The following RARA variants were observed in gnomAD, a reference collection of about 807,000 sequenced individuals.
The protein encoded by RARA is retinoic acid receptor alpha, also known as PML-DDX5-RARA fusion.
A neutral mutation model predicts 42.8 loss-of-function variants in RARA; 5 were observed. That is an observed-to-expected ratio of 0.12 (90% confidence interval 0.06 to 0.25). The LOEUF (loss-of-function observed/expected upper bound fraction) is 0.25. Among genes scored for constraint, RARA ranks in the 10% least tolerant of loss-of-function variants. RARA has a pLI of 1.00. For missense variants in RARA, 402 were observed against 628.7 expected, an observed-to-expected ratio of 0.64 and a Z score of 3.86; for synonymous variants, 256 against 259.5, an observed-to-expected ratio of 0.99 and a Z score of 0.13.
intron 3 of RARA, 41 bp from the exon 4 acceptor site, chr17:40,349,743 T>G (rs1490949042): frequency 9.3e-6 from 15 of 1,610,894 alleles, no homozygotes; most frequent in Non-Finnish European, 1.2e-5. Context: ...CTGCTCCCAC[T>G]GTGGGTGTGG....
intron 2 of RARA, among the ~76,000 whole-genome samples, 167 bp downstream of exon 2, chr17:40,331,563 C>T (rs1425849777): frequency 6.6e-6 from 1 of 152,096 alleles, no homozygotes; most frequent in Non-Finnish European, 1.5e-5. Flanking sequence ...AATGAAAGCC[C>T]TATGGCCTAT....
chr17:40,353,821 G>T (rs1317115617), intron 6 of RARA, among the ~76,000 whole-genome samples: 1 of 152,176 alleles, frequency 6.6e-6, no homozygotes, highest in African/African-American at 2.4e-5. Flanking sequence ...CGTGGATGCA[G>T]GAGGTGCCGT....
chr17:40,351,892 C>G lies in RARA; in HGVS notation c.470-18C>G, dbSNP rs753861439. Reference sequence around the variant, plus strand: ...AGCAGCCTGCAGCTGCCCTCTTAACCCCCTCTGCCCTCCACAGCTGTGAGA... The same window carrying G: ...AGCAGCCTGCAGCTGCCCTCTTAACGCCCTCTGCCCTCCACAGCTGTGAGA... On this transcript the variant is annotated intron_variant, in intron 4 of 8. Coordinates refer to ENST00000254066, the MANE Select transcript of RARA (RefSeq NM_000964.4). The surrounding 1 kb of genome is among the most constrained non-coding windows in gnomAD (Gnocchi z 4.1). 1 of 1,602,398 alleles carries G rather than the reference C, an allele frequency of 6.2e-7. No homozygotes were observed. Among genetic ancestry groups the G allele is most frequent in the Non-Finnish European group, 8.5e-7 (1 of 1,177,042 alleles).
At chr17:40,342,120 C>A (rs1374293786) in intron 2 of RARA, 1 of 1,047,082 alleles carries the variant, frequency 9.6e-7, no homozygotes, top group African/African-American at 1.7e-5. Context: ...GGGGGTGGTG[C>A]CCGGAGGGGA....
intron 2 of RARA, among the ~76,000 whole-genome samples, chr17:40,343,347 C>T (rs1212713428): frequency 1.3e-5 from 2 of 152,200 alleles, no homozygotes; most frequent in Non-Finnish European, 2.9e-5. Context: ...CCAGCCCTTG[C>T]TCTTGCGTCA....
chr17:40,342,807 C>A, intron 2 of RARA: 2 of 1,613,038 alleles, frequency 1.2e-6, no homozygotes, highest in Non-Finnish European at 1.7e-6. Flanking sequence ...GAAGGGGCTC[C>A]CCGCCCCGGG....
At chr17:40,317,178 C>T (rs2033232524) in intron 1 of RARA, among the ~76,000 whole-genome samples, 1 of 152,228 alleles carries the variant, frequency 6.6e-6, no homozygotes, top group Non-Finnish European at 1.5e-5. Context: ...CTGAGAGTCT[C>T]CTCACTGGGC....
At chr17:40,342,467 A>C in intron 2 of RARA, 1 of 1,224,852 alleles carries the variant, frequency 8.2e-7, no homozygotes, top group Non-Finnish European at 1.0e-6. Context: ...GGGAGAGCCG[A>C]CGGACCCCCC....
At chr17:40,310,761 A>G (rs2033080620) in intron 1 of RARA, among the ~76,000 whole-genome samples, 1 of 152,152 alleles carries the variant, frequency 6.6e-6, no homozygotes, top group Admixed American at 6.5e-5. Flanking sequence ...AATGGCTATC[A>G]GTAGCAAGCA....
At chr17:40,333,094 G>C (rs1256290214) in intron 2 of RARA, among the ~76,000 whole-genome samples, 1 of 152,196 alleles carries the variant, frequency 6.6e-6, no homozygotes, top group Non-Finnish European at 1.5e-5. Context: ...CTGTCACCGA[G>C]GCTGGAGTGC....
Position 40,346,446 on chromosome 17 carries a change from G to T in RARA, c.179-1870G>T, listed in dbSNP as rs934901805. Among the ~76,000 whole-genome samples, 6 of 152,026 alleles carry T rather than the reference G, an allele frequency of 3.9e-5. No individual in the cohort carries two copies. The South Asian group carries it at 1.0e-3, about 26-fold the overall frequency. On this transcript the variant is annotated intron_variant, in intron 2 of 8. Transcript: ENST00000254066. ...TCAGTGCCTTCTTCCTCTGCTTGTC[G>T]GAATGCTGACCAAGATTCTAGGCCA...
At chr17:40,317,037 A>G (rs775226092) in intron 1 of RARA, among the ~76,000 whole-genome samples, 17 of 152,242 alleles carry the variant, frequency 1.1e-4, no homozygotes, top group African/African-American at 3.1e-4. Flanking sequence ...AGATACTTCA[A>G]TTCTAGACCC....
intron 2 of RARA, among the ~76,000 whole-genome samples, chr17:40,336,526 C>G (rs1567753960): frequency 6.6e-6 from 1 of 152,006 alleles, no homozygotes; most frequent in Non-Finnish European, 1.5e-5. Flanking sequence ...GTAGCTGGGA[C>G]TACAGATGCA....
chr17:40,349,852 C>G lies in RARA; in HGVS notation c.396C>G (p.Ile132Met). ...YTCHRDKNCI[I>M]NKVTRNRCQY... is the part of the protein sequence containing the mutation. Reference sequence around the variant, plus strand: ...GTCACCGGGACAAGAACTGCATCATCAACAAGGTGACCCGGAACCGCTGCC... The same window carrying G: ...GTCACCGGGACAAGAACTGCATCATGAACAAGGTGACCCGGAACCGCTGCC... Residue 132 changes from isoleucine to methionine, a missense_variant, in exon 4 of 9, where the codon ATC (isoleucine) becomes ATG (methionine). Physicochemically the swap from Ile to Met is conservative, Grantham distance 10. Around this residue, in one of 5 missense-constraint regions of RARA, gnomAD observed 130 missense variants for 267.9 expected, o/e 0.49. Transcript: ENST00000254066. 6.2e-7 allele frequency: 1 copy of G among 1,614,256 alleles called. No individual in the cohort carries two copies. Among genetic ancestry groups the G allele is most frequent in the South Asian group, 1.1e-5 (1 of 91,086 alleles).
chr17:40,338,943 G>T (rs557002107), intron 2 of RARA, among the ~76,000 whole-genome samples: 6 of 152,228 alleles, frequency 3.9e-5, no homozygotes, highest in Admixed American at 6.5e-5. Context: ...GCTTGAATCC[G>T]GGAGGTGGAG....
chr17:40,348,429 T>C lies in RARA; in HGVS notation c.292T>C (p.Tyr98His). The stretch of plus-strand genomic sequence containing the variant: ...TGTCTGTCAGGACAAGTCCTCAGGC[T>C]ACCACTATGGGGTCAGCGCCTGTGA... The part of the protein sequence containing the change: ...CFVCQDKSSG[Y>H]HYGVSACEGC... Residue 98 changes from tyrosine (Y) to histidine (H), a missense_variant, in exon 3 of 9, where the codon TAC becomes CAC. By Grantham distance (83) the Tyr-to-His change is moderately conservative. Around this residue, in one of 5 missense-constraint regions of RARA, gnomAD observed 130 missense variants for 267.9 expected, o/e 0.49. Transcript: ENST00000254066. 1 of 1,613,680 alleles carries C rather than the reference T, an allele frequency of 6.2e-7. No homozygotes were observed. Among genetic ancestry groups the C allele is most frequent in the African/African-American group, 1.3e-5 (1 of 75,050 alleles).
chr17:40,338,210 C>T (rs994331096), intron 2 of RARA, among the ~76,000 whole-genome samples: 7 of 152,238 alleles, frequency 4.6e-5, no homozygotes, highest in Non-Finnish European at 1.0e-4. Flanking sequence ...TGTACCAGTG[C>T]AGGCCTGCCT....
intron 1 of RARA, among the ~76,000 whole-genome samples, chr17:40,316,959 G>C (rs1321151049): frequency 1.3e-5 from 2 of 152,230 alleles, no homozygotes; most frequent in Non-Finnish European, 2.9e-5. Flanking sequence ...GGCCCTCAGG[G>C]CAAAGGGTCC....
chr17:40,315,506 G>T (rs965376285), intron 1 of RARA, among the ~76,000 whole-genome samples: 1 of 152,094 alleles, frequency 6.6e-6, no homozygotes, highest in African/African-American at 2.4e-5. Context: ...GTACTTGTGG[G>T]AGGAGCTCCT....
Sources: allele counts gnomAD v4.1 joint callset (sites outside exome capture counted in the v4.1 genomes callset), GRCh38; gene constraint gnomAD v4.1.1; regional missense constraint gnomAD v4.1.1; non-coding constraint Gnocchi (gnomAD v3.1); transcripts MANE v1.5; gene names NCBI Gene and HGNC (gene_info 2026-07-23, HGNC 2026-07-21).